Variants in PCDH7 observed in about 807,000 individuals in gnomAD.
PCDH7 encodes protocadherin 7.
Under a neutral mutation model 58.9 loss-of-function variants are expected in PCDH7, and 17 were observed. The ratio of observed to expected loss-of-function variants is 0.29; its 90% CI spans 0.20 to 0.43. The LOEUF is 0.43. Ranked by LOEUF, PCDH7 falls within the 20% of genes least tolerant of loss-of-function variation. The probability of loss-of-function intolerance (pLI) is 1.00; values close to 1 mark genes in which losing one functional copy is unlikely to be tolerated. For synonymous variants in PCDH7, 664 were observed against 616.4 expected (o/e 1.08, Z -1.14); for missense variants, 1,274 against 1,441.0 (o/e 0.88, Z 1.88).
At position 31,142,451 on chromosome 4, in the gene PCDH7, G is replaced by A. The variant is rs779579937; in HGVS notation, c.*8-22G>A. 4 of 1,360,054 alleles carry A rather than the reference G, an allele frequency of 2.9e-6. No individual in the cohort carries two copies. The African/African-American group carries it at 5.9e-5, about 20-fold the overall frequency. The allele number at this position is 1,360,054 out of a possible 1,614,324, so 84.2% of individuals were successfully genotyped here. A position where few individuals can be genotyped will look rare whatever the true frequency, so the allele number is the denominator to read the frequency against. ...TGTTGAGGAGTGTCAAATACTAATGGCTTATTCTCCTTGGATTTCAGATTC... is the reference window on the plus strand; with the variant it reads ...TGTTGAGGAGTGTCAAATACTAATGACTTATTCTCCTTGGATTTCAGATTC... On this transcript the variant is annotated intron_variant, in intron 3 of 3. Transcript: ENST00000509759.
At chr4:31,063,189 A>T (rs1465665674) in intron 3 of PCDH7, among the ~76,000 whole-genome samples, 1 of 151,884 alleles carries the variant, frequency 6.6e-6, no homozygotes, top group Non-Finnish European at 1.5e-5. Context: ...TCACTCATTC[A>T]TGTGTATGTA....
intron 3 of PCDH7, among the ~76,000 whole-genome samples, chr4:30,953,051 A>ACCC (rs1289833764): frequency 1.3e-5 from 2 of 152,304 alleles, no homozygotes; most frequent in Non-Finnish European, 2.9e-5. Context: ...TGAAATTTTA[A>ACCC]GAGTGGATAG....
intron 2 of PCDH7, among the ~76,000 whole-genome samples, chr4:30,933,838 T>A (rs1187177045): frequency 3.9e-5 from 6 of 152,254 alleles, no homozygotes; most frequent in Non-Finnish European, 5.9e-5. Context: ...AATTCTCACC[T>A]AAAACAAGCT....
In PCDH7 at chr4:30,722,653, A is replaced by G. The variant is rs1290779792; in HGVS notation, c.1231A>G (p.Asn411Asp). ...CCTTAACATCAAAGACGAGAACGAC[A>G]ACGTGCCGTCCATTGAAATCCGCAA... The change falls in exon 1 of 2, where the codon AAC (asparagine) becomes GAC (aspartate). Residue 411 changes from asparagine to aspartate, a missense_variant. Transcript: ENST00000361762. The surrounding 1 kb of genome is among the most constrained non-coding windows in gnomAD (Gnocchi z 7.6). 1.9e-6 allele frequency: 3 copies of G among 1,613,420 alleles called. No individual in the cohort carries two copies. The highest frequency in any genetic ancestry group is 1.3e-5 in the African/African-American group (1 of 74,954).
At chr4:31,031,277 G>A (rs541718712) in intron 3 of PCDH7, among the ~76,000 whole-genome samples, 2 of 152,256 alleles carry the variant, frequency 1.3e-5, no homozygotes, top group South Asian at 2.1e-4. Context: ...TCACAACAAC[G>A]GGGATGCAAC....
rs962833646 is a variant in PCDH7, at chr4:30,721,371, G to A, written c.-52G>A. 1.5e-5 allele frequency: 21 copies of A among 1,423,358 alleles called. No individual in the cohort carries two copies. The Admixed American group carries it at 4.5e-4, about 31-fold the overall frequency. The allele number at this position is 1,423,358 out of a possible 1,614,324, so 88.2% of individuals were successfully genotyped here. ...AGGCGGCCGGCCCCGGAGGAGGGGG[G>A]CGCCGAGGGGGCTGTGGTTAGAAGG... On this transcript the variant is annotated 5_prime_UTR_variant, in exon 1 of 2. Coordinates refer to ENST00000361762, the Ensembl canonical transcript of PCDH7. The surrounding 1 kb of genome is among the most constrained non-coding windows in gnomAD (Gnocchi z 6.7).
intron 3 of PCDH7, among the ~76,000 whole-genome samples, chr4:31,007,555 T>TC (rs1313618151): frequency 6.6e-6 from 1 of 151,944 alleles, no homozygotes; most frequent in African/African-American, 2.4e-5. Flanking sequence ...TGCAATATTT[T>TC]CACACAGTTT....
intron 1 of PCDH7, among the ~76,000 whole-genome samples, chr4:30,853,985 G>A (rs1733120297): frequency 6.6e-6 from 1 of 151,954 alleles, no homozygotes; most frequent in South Asian, 2.1e-4. Flanking sequence ...AAAATGAAAT[G>A]TGATGATAGT....
At chr4:30,786,794 C>T (rs1280732228) in intron 1 of PCDH7, 5 of 971,482 alleles carry the variant, frequency 5.1e-6, no homozygotes, top group Non-Finnish European at 6.1e-6. Flanking sequence ...AATGTATGTG[C>T]TCGTAAGTGA....
At chr4:31,076,254 T>C (rs1414145369) in intron 3 of PCDH7, among the ~76,000 whole-genome samples, 1 of 152,192 alleles carries the variant, frequency 6.6e-6, no homozygotes, top group East Asian at 1.9e-4. Context: ...TAATATGTAT[T>C]AGATTCTGCA....
At chr4:30,973,156 A>C (rs1749755465) in intron 3 of PCDH7, among the ~76,000 whole-genome samples, 1 of 152,226 alleles carries the variant, frequency 6.6e-6, no homozygotes, top group African/African-American at 2.4e-5. Flanking sequence ...CAAAAATCAC[A>C]TTTACAAAAG....
rs1428878948 is a variant in PCDH7, at chr4:30,738,989, T to A, written c.70+14393T>A. ...TTATTATGTACGCATGCAATACACG[T>A]TTTATCATGAGACCAATCCATGGAC... On this transcript the variant is annotated intron_variant, in intron 1 of 3. Coordinates refer to the PCDH7 transcript ENST00000509759. Among the ~76,000 whole-genome samples, 23 of 151,766 alleles carry A rather than the reference T, an allele frequency of 1.5e-4. 1 individual carries two copies. The highest frequency in any genetic ancestry group is 1.5e-3 in the Admixed American group (23 of 15,198).
At chr4:31,097,181 G>T (rs1305920028) in intron 3 of PCDH7, among the ~76,000 whole-genome samples, 1 of 152,032 alleles carries the variant, frequency 6.6e-6, no homozygotes, top group Non-Finnish European at 1.5e-5. Context: ...AAGTGTCTGG[G>T]CGCGGTGGCT....
At chr4:31,136,567 A>C (rs1037374356) in intron 3 of PCDH7, among the ~76,000 whole-genome samples, 3 of 152,184 alleles carry the variant, frequency 2.0e-5, no homozygotes, top group Non-Finnish European at 4.4e-5. Flanking sequence ...TAATAAATTA[A>C]AAAACTCTTT....
At chr4:31,094,903 T>G (rs1304124651) in intron 3 of PCDH7, among the ~76,000 whole-genome samples, 1 of 152,134 alleles carries the variant, frequency 6.6e-6, no homozygotes, top group Non-Finnish European at 1.5e-5. Flanking sequence ...AAATACCAAT[T>G]TACCGTATAA....
intron 1 of PCDH7, among the ~76,000 whole-genome samples, chr4:30,914,827 A>G (rs1348168110): frequency 1.1e-4 from 17 of 152,172 alleles, no homozygotes; most frequent in Admixed American, 1.1e-3. Flanking sequence ...ACATACCCTG[A>G]GCCTAAGGCA....
At chr4:31,039,786 CA>C (rs1181437119) in intron 3 of PCDH7, among the ~76,000 whole-genome samples, 2 of 152,176 alleles carry the variant, frequency 1.3e-5, no homozygotes, top group Non-Finnish European at 2.9e-5. Flanking sequence ...AATGAAAACT[CA>C]GCCAAATTTC....
intron 1 of PCDH7, among the ~76,000 whole-genome samples, chr4:30,755,106 C>A (rs1719109524): frequency 6.6e-6 from 1 of 152,156 alleles, no homozygotes; most frequent in Non-Finnish European, 1.5e-5. Flanking sequence ...GGCTAGCTGA[C>A]TCCAGAGCTT....
At chr4:30,842,934 G>A (rs935471716) in intron 1 of PCDH7, among the ~76,000 whole-genome samples, 9 of 151,936 alleles carry the variant, frequency 5.9e-5, no homozygotes, top group Admixed American at 2.0e-4. Flanking sequence ...TTATTCTATT[G>A]TTTTCCATCA....
Sources: gnomAD v4.1 joint callset for allele counts (sites outside exome capture counted in the v4.1 genomes callset) on GRCh38, gnomAD v4.1.1 for gene constraint, Gnocchi (gnomAD v3.1) non-coding constraint, MANE v1.5 for transcripts, NCBI Gene and HGNC (gene_info 2026-07-23, HGNC 2026-07-21) for gene names.